Variants in USP30 observed in about 807,000 individuals in gnomAD.
The protein encoded by USP30 is ubiquitin carboxyl-terminal hydrolase 30.
In USP30, 41 loss-of-function variants were observed where a neutral mutation model predicts 68.2. That is an observed-to-expected ratio of 0.60 (90% CI 0.47 to 0.78). USP30 has a LOEUF of 0.78. Ranked by LOEUF, USP30 falls within the 30% of genes least tolerant of loss-of-function variation. The probability of loss-of-function intolerance (pLI) is 0.00; values close to 1 mark genes in which losing one functional copy is unlikely to be tolerated. For missense variants in USP30, 522 were observed against 649.4 expected (o/e 0.80, Z 2.13); for synonymous variants, 229 against 253.7 (o/e 0.90, Z 0.93).
rs1299709206 is a variant in USP30 at position 109,052,642 on chromosome 12, G to T, written c.-37G>T. The T allele has an allele frequency of 4.8e-6, 7 of 1,463,962 alleles. No individual in the cohort carries two copies. Among genetic ancestry groups the T allele is most frequent in the Non-Finnish European group, 6.3e-6 (7 of 1,114,650 alleles). 90.7% of individuals were successfully genotyped at this position (1,463,962 alleles called of 1,614,324 possible). ...CGGTCCGGCGGCGGCGGCGGCGGTA[G>T]CGGAGGAGACGGTTTCAGGCCTCCG... is the stretch of plus-strand genomic sequence containing the variant. On this transcript the variant is annotated 5_prime_UTR_variant, in exon 1 of 13. Transcript: ENST00000257548.
At chr12:109,036,307 C>CA (rs2040519465) in intron 3 of USP30, among the ~76,000 whole-genome samples, 1 of 126,176 alleles carries the variant, frequency 7.9e-6, no homozygotes, top group Non-Finnish European at 1.7e-5. Flanking sequence ...TTCTTTCTTT[C>CA]TTTTTTTTTT....
intron 3 of USP30, among the ~76,000 whole-genome samples, chr12:109,046,417 CT>C (rs56405228): frequency 0.51 from 74,399 of 146,152 alleles, 20,650 homozygotes; most frequent in East Asian, 0.81. Context: ...CCAGCCCAGT[CT>C]TTTTTTTTTT....
chr12:109,053,653 T>G, intron 1 of USP30: 1 of 179,478 alleles, frequency 5.6e-6, no homozygotes, highest in Non-Finnish European at 1.2e-5. Flanking sequence ...GTGCCCCCAT[T>G]CCGTAGATAG....
chr12:109,079,869 G>A (rs980778463), intron 7 of USP30, among the ~76,000 whole-genome samples: 1 of 151,988 alleles, frequency 6.6e-6, no homozygotes, highest in African/African-American at 2.4e-5. Context: ...TGAGGTCCTC[G>A]TGTGCTGACT....
chr12:109,031,617 G>A (rs2040481534), intron 3 of USP30, among the ~76,000 whole-genome samples: 1 of 152,200 alleles, frequency 6.6e-6, no homozygotes, highest in Non-Finnish European at 1.5e-5. Flanking sequence ...ATCAATAGAT[G>A]AATGGATAAA....
intron 3 of USP30, among the ~76,000 whole-genome samples, chr12:109,038,578 T>C (rs1189730326): frequency 6.6e-6 from 1 of 152,220 alleles, no homozygotes; most frequent in Non-Finnish European, 1.5e-5. Flanking sequence ...CTGCAATGTT[T>C]CAACAAACAG....
At chr12:109,045,249 G>A (rs2135677672) in intron 3 of USP30, among the ~76,000 whole-genome samples, 1 of 152,298 alleles carries the variant, frequency 6.6e-6, no homozygotes, top group South Asian at 2.1e-4. Flanking sequence ...AAAGTGCTGG[G>A]ATTACAGGCG....
intron 3 of USP30, among the ~76,000 whole-genome samples, chr12:109,066,919 C>T (rs1017965211): frequency 3.3e-5 from 5 of 152,034 alleles, no homozygotes; most frequent in Non-Finnish European, 7.4e-5. Flanking sequence ...AAGAACCTTG[C>T]AACAAATTTA....
chr12:109,046,361 C>A (rs1428064484), intron 3 of USP30, among the ~76,000 whole-genome samples: 1 of 151,626 alleles, frequency 6.6e-6, no homozygotes, highest in African/African-American at 2.4e-5. Context: ...GATCTGCCCA[C>A]CTCAGCCTCC....
chr12:109,054,023 G>T (rs1306417142), intron 1 of USP30: 2 of 455,998 alleles, frequency 4.4e-6, no homozygotes, highest in Admixed American at 4.7e-5. Flanking sequence ...CTGCATCTGT[G>T]GGGTTGTTTT....
chr12:109,029,948 C>G (rs1350886257), intron 3 of USP30, among the ~76,000 whole-genome samples: 2 of 152,114 alleles, frequency 1.3e-5, no homozygotes, highest in African/African-American at 4.8e-5. Context: ...TCCCATAATC[C>G]CTCCTCTCCC....
intron 7 of USP30, among the ~76,000 whole-genome samples, chr12:109,077,569 C>T (rs374887435): frequency 1.9e-3 from 286 of 152,264 alleles, no homozygotes; most frequent in Non-Finnish European, 3.2e-3. Context: ...TTGTGGACAG[C>T]ATATAATGGG....
intron 3 of USP30, among the ~76,000 whole-genome samples, chr12:109,064,023 G>A (rs2135743742): frequency 6.6e-6 from 1 of 151,922 alleles, no homozygotes; most frequent in East Asian, 1.9e-4. Flanking sequence ...ACAGGTGCAT[G>A]CCACCACACC....
rs1238045551 is a variant in USP30 at position 109,085,054 on chromosome 12, C to T, written c.1270C>T (p.Pro424Ser). 3.1e-6 allele frequency: 5 copies of T among 1,594,024 alleles called. 1 individual carries two copies. In the South Asian group the frequency reaches 5.7e-5, roughly 18 times the overall value. Residue 424 changes from proline (P) to serine (S), a missense_variant, in exon 12 of 13, where the codon CCA becomes TCA. Pro to Ser is a moderately conservative substitution (Grantham distance 74, BLOSUM62 -1). Coordinates refer to ENST00000257548, the MANE Select transcript of USP30 (RefSeq NM_032663.5). ...GTCAGCGCCGATGCCCTTCCCTCTC[C>T]CAGTTGTTCCCGACTACAGGTGAGC... Reference protein sequence around the residue: ...TLSAPMPFPLPVVPDYSSSTY... With the variant: ...TLSAPMPFPLSVVPDYSSSTY...
At chr12:109,034,931 A>G (rs1446144717) in intron 3 of USP30, among the ~76,000 whole-genome samples, 1 of 152,140 alleles carries the variant, frequency 6.6e-6, no homozygotes, top group Non-Finnish European at 1.5e-5. Flanking sequence ...ATATTAGTGT[A>G]ATTACTTCAG....
intron 3 of USP30, among the ~76,000 whole-genome samples, chr12:109,032,967 C>G (rs1041055499): frequency 6.6e-6 from 1 of 152,162 alleles, no homozygotes; most frequent in South Asian, 2.1e-4. Context: ...CAAGCTGCCC[C>G]TTAGCCTGAA....
chr12:109,062,404 G>A (rs893165582), intron 3 of USP30, among the ~76,000 whole-genome samples: 4 of 141,768 alleles, frequency 2.8e-5, no homozygotes, highest in East Asian at 2.1e-4. Flanking sequence ...GCATGATCTC[G>A]GCTCACTGCA....
At chr12:109,052,823 G>T in intron 1 of USP30, 62 bp downstream of exon 1, 5 of 1,382,510 alleles carry the variant, frequency 3.6e-6, no homozygotes, top group East Asian at 2.9e-5. Flanking sequence ...GCTTGGGCCC[G>T]TGACGGCTTT....
At position 109,085,795 on chromosome 12, in the gene USP30, G is replaced by A; in HGVS notation, c.1418G>A (p.Trp473Ter). ...ARNPLSTSNQWLWVSDDTVRK... is the reference protein window; with the variant it reads ...ARNPLSTSNQ ...AACCCTCTCTCAACTAGCAATCAGT[G>A]GCTGTGGGTCTCCGATGACACTGTC... Residue 473 changes from tryptophan (W) to a stop codon, truncating the protein, a stop_gained, in exon 13 of 13, where the codon TGG becomes TAG. Transcript: ENST00000257548. LOFTEE classifies it high-confidence loss of function. 1 of 1,614,200 alleles carries A rather than the reference G, an allele frequency of 6.2e-7. No individual in the cohort carries two copies. The highest frequency in any genetic ancestry group is 1.1e-5 in the South Asian group (1 of 91,088).
Sources: allele counts gnomAD v4.1 joint callset (sites outside exome capture counted in the v4.1 genomes callset), GRCh38; gene constraint gnomAD v4.1.1; transcripts MANE v1.5; gene names NCBI Gene and HGNC (gene_info 2026-07-23, HGNC 2026-07-21).